The following ZBTB16 variants were observed in gnomAD, a reference collection of about 807,000 sequenced individuals.
The protein encoded by ZBTB16 is zinc finger and BTB domain-containing protein 16.
Under a neutral mutation model 56.8 loss-of-function variants are expected in ZBTB16, and 8 were observed. That is an observed-to-expected ratio of 0.14 (90% CI 0.08 to 0.25). The LOEUF (loss-of-function observed/expected upper bound fraction) is 0.25, where lower values mean the gene tolerates loss of function less well. Ranked by LOEUF, ZBTB16 falls within the 10% of genes least tolerant of loss-of-function variation. ZBTB16 has a pLI of 1.00. For synonymous variants in ZBTB16, 363 were observed against 368.5 expected (o/e 0.98, Z 0.17); for missense variants, 625 against 903.0 (o/e 0.69, Z 3.95).
intron 3 of ZBTB16, among the ~76,000 whole-genome samples, chr11:114,172,990 A>C (rs1193329327): frequency 6.6e-6 from 1 of 152,208 alleles, no homozygotes; most frequent in Non-Finnish European, 1.5e-5. Flanking sequence ...TGCAAATGTC[A>C]GTGCCGTAGT....
At chr11:114,066,831 C>T (rs1003335725) in intron 2 of ZBTB16, among the ~76,000 whole-genome samples, 3 of 134,300 alleles carry the variant, frequency 2.2e-5, no homozygotes, top group Non-Finnish European at 4.5e-5. Flanking sequence ...AGTGCAATGG[C>T]GTGATCTCAG....
intron 2 of ZBTB16, among the ~76,000 whole-genome samples, chr11:114,072,681 C>G (rs763549099): frequency 3.9e-5 from 6 of 152,136 alleles, no homozygotes; most frequent in Non-Finnish European, 7.3e-5. Context: ...CTCTAGCTGT[C>G]CTGTAAGGTG....
chr11:114,109,966 C>T (rs1259215492), intron 2 of ZBTB16, among the ~76,000 whole-genome samples: 1 of 152,114 alleles, frequency 6.6e-6, no homozygotes, highest in Non-Finnish European at 1.5e-5. Flanking sequence ...CACAGGAGGA[C>T]TTCTGGAAGG....
intron 2 of ZBTB16, among the ~76,000 whole-genome samples, chr11:114,136,101 C>G (rs1197327130): frequency 1.3e-5 from 2 of 152,188 alleles, no homozygotes; most frequent in African/African-American, 4.8e-5. Context: ...GGCTTGGACT[C>G]TAGCAGGAAT....
At chr11:114,098,186 C>T (rs753200886) in intron 2 of ZBTB16, among the ~76,000 whole-genome samples, 1 of 152,022 alleles carries the variant, frequency 6.6e-6, no homozygotes, top group Non-Finnish European at 1.5e-5. Flanking sequence ...AAAATCTATG[C>T]CCAAATAAGT....
intron 2 of ZBTB16, among the ~76,000 whole-genome samples, chr11:114,070,201 C>A (rs1453051706): frequency 6.8e-6 from 1 of 146,564 alleles, no homozygotes; most frequent in Admixed American, 7.0e-5. Context: ...CTCCGCTTCC[C>A]GGGTTCACGC....
At chr11:114,137,605 C>T (rs746670352) in intron 2 of ZBTB16, among the ~76,000 whole-genome samples, 15 of 152,066 alleles carry the variant, frequency 9.9e-5, no homozygotes, top group Admixed American at 2.0e-4. Flanking sequence ...GAGAGAGGCC[C>T]GGAGGCTTCC....
At chr11:114,201,012 T>C (rs1333425992) in intron 4 of ZBTB16, among the ~76,000 whole-genome samples, 2 of 152,242 alleles carry the variant, frequency 1.3e-5, no homozygotes, top group African/African-American at 4.8e-5. Context: ...AAGGCTGTTA[T>C]TCCTCCAAAG....
chr11:114,141,307 A>G (rs1360091278), intron 2 of ZBTB16, among the ~76,000 whole-genome samples: 3 of 152,154 alleles, frequency 2.0e-5, no homozygotes, highest in East Asian at 1.9e-4. Context: ...GAATCTCACC[A>G]TATCCTCAGA....
chr11:114,080,746 A>G (rs908282239), intron 2 of ZBTB16, among the ~76,000 whole-genome samples: 10 of 152,156 alleles, frequency 6.6e-5, no homozygotes, highest in Non-Finnish European at 2.9e-5. Context: ...ATCCATATTC[A>G]TATCATGCTT....
chr11:114,085,300 C>G (rs896135263), intron 2 of ZBTB16, among the ~76,000 whole-genome samples: 4 of 152,228 alleles, frequency 2.6e-5, no homozygotes, highest in African/African-American at 9.6e-5. Context: ...TGAAGACCCA[C>G]TAATGGATTG....
chr11:114,061,269 G>C (rs1295368967), intron 1 of ZBTB16: 2 of 152,234 alleles, frequency 1.3e-5, no homozygotes, highest in Admixed American at 1.3e-4. Flanking sequence ...CCGAGCGGCG[G>C]GTGGGGGAGA....
rs55732116 is a variant in ZBTB16 at position 114,249,771 on chromosome 11, C to CAAAA, written c.1793-540_1793-537dup. Among the ~76,000 whole-genome samples the CAAAA allele has an allele frequency of 2.2e-3, 133 of 59,246 alleles. 5 individuals are homozygous for CAAAA. The highest frequency in any genetic ancestry group is 8.5e-3 in the African/African-American group (108 of 12,678). 38.9% of individuals were successfully genotyped at this position (59,246 alleles called of 152,430 possible). A position where few individuals can be genotyped will look rare whatever the true frequency, so the allele number is the denominator to read the frequency against. ...TGGGCGACACAGCGAGACTCCGTCT[C>CAAAA]AAAAAAAAAAAAAAAAAAGAGAGCT... On this transcript the variant is annotated intron_variant, in intron 6 of 6. Coordinates refer to ENST00000335953, the MANE Select transcript of ZBTB16 (RefSeq NM_006006.6).
At chr11:114,070,255 C>T (rs1939294867) in intron 2 of ZBTB16, among the ~76,000 whole-genome samples, 1 of 151,224 alleles carries the variant, frequency 6.6e-6, no homozygotes, top group East Asian at 1.9e-4. Flanking sequence ...ACTACAGGCG[C>T]CCGCCACCGC....
chr11:114,208,097 A>G (rs1943925862), intron 4 of ZBTB16, among the ~76,000 whole-genome samples: 2 of 152,242 alleles, frequency 1.3e-5, no homozygotes, highest in African/African-American at 2.4e-5. Context: ...TGTCTTCTCT[A>G]TGACACCCTT....
intron 2 of ZBTB16, among the ~76,000 whole-genome samples, chr11:114,082,114 T>TCC (rs150038900): frequency 0.67 from 87,328 of 129,784 alleles, 29,048 homozygotes; most frequent in South Asian, 0.78. Flanking sequence ...AGACGATCTT[T>TCC]ACAAAAAAAA....
chr11:114,117,213 G>A (rs573763199), intron 2 of ZBTB16, among the ~76,000 whole-genome samples: 2 of 152,244 alleles, frequency 1.3e-5, no homozygotes, highest in Admixed American at 6.5e-5. Context: ...GTATAAAGAG[G>A]TTGGTAGAGA....
intron 4 of ZBTB16, among the ~76,000 whole-genome samples, chr11:114,234,537 A>G (rs1944522283): frequency 6.6e-6 from 1 of 152,204 alleles, no homozygotes; most frequent in Non-Finnish European, 1.5e-5. Context: ...CCAGGAGTAC[A>G]GTAGTGCATC....
chr11:114,172,354 G>A (rs1009241605), intron 3 of ZBTB16, among the ~76,000 whole-genome samples: 1 of 152,216 alleles, frequency 6.6e-6, no homozygotes, highest in African/African-American at 2.4e-5. Flanking sequence ...TTTCCTGGAG[G>A]CCTACAGGTG....
Sources: allele counts gnomAD v4.1 joint callset (sites outside exome capture counted in the v4.1 genomes callset), GRCh38; gene constraint gnomAD v4.1.1; transcripts MANE v1.5; gene names NCBI Gene and HGNC (gene_info 2026-07-23, HGNC 2026-07-21).